Variants in ALPK1 observed in about 807,000 individuals in gnomAD.
ALPK1 encodes the protein alpha kinase 1.
Under a neutral mutation model 120.6 loss-of-function variants are expected in ALPK1, and 110 were observed. That is an observed-to-expected ratio of 0.91 (90% CI 0.78 to 1.07). ALPK1 has a LOEUF of 1.07. Ranked by LOEUF, ALPK1 falls within the 50% of genes least tolerant of loss-of-function variation. The pLI is 0.00. For missense variants in ALPK1, 1,498 were observed against 1,483.9 expected, an observed-to-expected ratio of 1.01 and a Z score of -0.16; for synonymous variants, 582 against 560.3, an observed-to-expected ratio of 1.04 and a Z score of -0.55.
intron 2 of ALPK1, among the ~76,000 whole-genome samples, chr4:112,369,384 C>T (rs1474962833): frequency 1.3e-5 from 2 of 152,154 alleles, no homozygotes; most frequent in African/African-American, 4.8e-5. Flanking sequence ...TATGGGTGCT[C>T]AGAGAAGAGT....
chr4:112,396,091 C>T (rs1408286474), intron 4 of ALPK1, among the ~76,000 whole-genome samples: 1 of 152,066 alleles, frequency 6.6e-6, no homozygotes, highest in Non-Finnish European at 1.5e-5. Flanking sequence ...AAAAAATTCC[C>T]ATTTGTGTGT....
intron 4 of ALPK1, among the ~76,000 whole-genome samples, chr4:112,389,047 C>CT (rs36062437): frequency 0.35 from 48,147 of 137,962 alleles, 8,322 homozygotes; most frequent in East Asian, 0.53. Flanking sequence ...GCCATGCTGG[C>CT]TTTTTTTTTT....
At chr4:112,301,348 C>T (rs1382139114) in intron 1 of ALPK1, among the ~76,000 whole-genome samples, 2 of 152,218 alleles carry the variant, frequency 1.3e-5, no homozygotes, top group African/African-American at 4.8e-5. Context: ...TTTCCTGTTA[C>T]TCTAAACCTA....
intron 4 of ALPK1, among the ~76,000 whole-genome samples, chr4:112,389,492 G>A (rs972132381): frequency 6.6e-6 from 1 of 152,176 alleles, no homozygotes; most frequent in Non-Finnish European, 1.5e-5. Context: ...AAAGAACCTT[G>A]CTCCAGCCAA....
intron 3 of ALPK1, among the ~76,000 whole-genome samples, chr4:112,380,050 A>G (rs1012172172): frequency 6.6e-6 from 1 of 152,198 alleles, no homozygotes; most frequent in Admixed American, 6.5e-5. Flanking sequence ...GTGACTGCTC[A>G]CATTGACTCA....
rs141437662 is a variant in ALPK1 at position 112,339,271 on chromosome 4, C to T, written c.-101+23419C>T. Among the ~76,000 whole-genome samples, 432 of 152,192 alleles carry T rather than the reference C, an allele frequency of 2.8e-3. 4 individuals are homozygous for T. Among genetic ancestry groups the T allele is most frequent in the African/African-American group, 9.1e-3 (378 of 41,502 alleles). On this transcript the variant is annotated intron_variant, in intron 2 of 15. Transcript: ENST00000650871. ...AAAAAGGGATAATATGATGAGGTTC[C>T]GGTGTCCATAATCAAATAAGAAGAA...
intron 5 of ALPK1, 140 bp from the exon 6 acceptor site, chr4:112,423,804 A>AT (rs1734108597): frequency 1.2e-6 from 1 of 815,240 alleles, no homozygotes; most frequent in Non-Finnish European, 2.1e-6. Context: ...GTCATTGTTG[A>AT]TTTTAAATTA....
At chr4:112,303,953 A>G (rs905382507) in intron 1 of ALPK1, among the ~76,000 whole-genome samples, 2 of 151,688 alleles carry the variant, frequency 1.3e-5, no homozygotes, top group Non-Finnish European at 2.9e-5. Flanking sequence ...CCTGTGTCCA[A>G]GTGTTCTCAT....
At chr4:112,389,008 T>C (rs1321120411) in intron 4 of ALPK1, among the ~76,000 whole-genome samples, 1 of 152,006 alleles carries the variant, frequency 6.6e-6, no homozygotes, top group East Asian at 1.9e-4. Context: ...GACAGCTCTG[T>C]TCTTTCCATT....
chr4:112,398,315 G>A (rs545931423), intron 4 of ALPK1, among the ~76,000 whole-genome samples: 34 of 152,152 alleles, frequency 2.2e-4, no homozygotes, highest in East Asian at 5.8e-4. Flanking sequence ...AAGAGACAGC[G>A]TCTTGCTCTG....
intron 2 of ALPK1, among the ~76,000 whole-genome samples, chr4:112,349,621 T>C (rs1730258477): frequency 1.5e-5 from 2 of 135,142 alleles, no homozygotes. Context: ...TGGTGCAATC[T>C]TGGCTCACTG....
chr4:112,381,296 C>T (rs561149657), intron 3 of ALPK1, among the ~76,000 whole-genome samples: 33 of 152,116 alleles, frequency 2.2e-4, no homozygotes, highest in African/African-American at 6.0e-4. Flanking sequence ...GTTTCAGATT[C>T]GGGGAACTTA....
At chr4:112,426,225 A>G (rs537647898) in intron 7 of ALPK1, 17 of 275,440 alleles carry the variant, frequency 6.2e-5, no homozygotes, top group African/African-American at 3.3e-4. Context: ...AGATAACTAC[A>G]TATATTACAC....
At position 112,425,747 on chromosome 4, in the gene ALPK1, G is replaced by C; in HGVS notation, c.618G>C (p.Lys206Asn). 2 of 1,610,772 alleles carry C rather than the reference G, an allele frequency of 1.2e-6. No homozygotes were observed. The highest frequency in any genetic ancestry group is 2.2e-5 in the South Asian group (2 of 90,622). Reference sequence around the variant, plus strand: ...AGATCAGAGGGCAGATTCTGCAAAAGCTGGGTACAATCATGTAAAACTTGC... The same window carrying C: ...AGATCAGAGGGCAGATTCTGCAAAACCTGGGTACAATCATGTAAAACTTGC... ...CIQIRGQILQKLGMWYEAAEL... is the reference protein window; with the variant it reads ...CIQIRGQILQNLGMWYEAAEL... The change falls in exon 7 of 16, where the codon AAG (lysine) becomes AAC (asparagine). Residue 206 changes from lysine to asparagine, a missense_variant. By Grantham distance (94) the Lys-to-Asn change is moderately conservative. Transcript: ENST00000650871.
chr4:112,334,776 T>C (rs1413768496), intron 2 of ALPK1, among the ~76,000 whole-genome samples: 4 of 152,176 alleles, frequency 2.6e-5, no homozygotes, highest in Admixed American at 6.5e-5. Flanking sequence ...TACTATAGGA[T>C]TCTTTTGGAT....
At chr4:112,358,201 CA>C in intron 2 of ALPK1, 1 of 611,590 alleles carries the variant, frequency 1.6e-6, no homozygotes, top group South Asian at 1.5e-5. Context: ...ACTGCCAGGA[CA>C]ACAGGGCTGT....
chr4:112,297,872 T>C (rs1417453918), intron 1 of ALPK1, among the ~76,000 whole-genome samples: 1 of 152,060 alleles, frequency 6.6e-6, no homozygotes, highest in Non-Finnish European at 1.5e-5. Context: ...TCTATGACTT[T>C]TGCCTGGAAT....
Position 112,427,573 on chromosome 4 carries a change from C to T in ALPK1, c.703C>T (p.Leu235Phe). 1 of 1,613,204 alleles carries T rather than the reference C, an allele frequency of 6.2e-7. No homozygotes were observed. Among genetic ancestry groups the T allele is most frequent in the Non-Finnish European group, 8.5e-7 (1 of 1,179,242 alleles). The change falls in exon 9 of 16, where the codon CTC becomes TTC. Residue 235 changes from leucine (L) to phenylalanine (F), a missense_variant. Coordinates refer to ENST00000650871, the MANE Select transcript of ALPK1 (RefSeq NM_025144.4). The part of the protein sequence containing the change: ...LALPQPDKKG[L>F]STSLGILADI... ...CTTCTTTGTGTTTTTCTTACAGGGC[C>T]TCTCCACGTCGCTAGGTATACTGGC...
chr4:112,384,998 C>T (rs1261208812), intron 4 of ALPK1, among the ~76,000 whole-genome samples: 1 of 152,150 alleles, frequency 6.6e-6, no homozygotes, highest in Non-Finnish European at 1.5e-5. Context: ...GAGAGCAAAA[C>T]GGCCTCACAA....
Sources: allele counts gnomAD v4.1 joint callset (sites outside exome capture counted in the v4.1 genomes callset), GRCh38; gene constraint gnomAD v4.1.1; transcripts MANE v1.5; gene names NCBI Gene and HGNC (gene_info 2026-07-23, HGNC 2026-07-21).